ESPNL: variants seen among roughly 807,000 people sequenced by gnomAD.
The protein encoded by ESPNL is espin-like protein.
A neutral mutation model predicts 46.8 loss-of-function variants in ESPNL; 49 were observed. That is an observed-to-expected ratio of 1.05 (90% CI 0.83 to 1.33). The LOEUF (loss-of-function observed/expected upper bound fraction) is 1.33. Among genes scored for constraint, ESPNL ranks in the 40% most tolerant of loss-of-function variants. ESPNL has a pLI of 0.00. For missense variants in ESPNL, 1,540 were observed against 1,436.6 expected (o/e 1.07, Z -1.16); for synonymous variants, 664 against 662.1 (o/e 1.00, Z -0.04).
At chr2:238,106,923 C>G (rs1302630173) in intron 3 of ESPNL, among the ~76,000 whole-genome samples, 1 of 152,238 alleles carries the variant, frequency 6.6e-6, no homozygotes, top group East Asian at 1.9e-4. Context: ...CTTCTGAGTA[C>G]TGATCAGTCA....
At chr2:238,100,743 C>G in intron 1 of ESPNL, 30 bp downstream of exon 1, 1 of 1,396,464 alleles carries the variant, frequency 7.2e-7, no homozygotes, top group Non-Finnish European at 9.2e-7. Context: ...CCTGGCTCCA[C>G]GAAGCTGGCT....
Position 238,130,829 on chromosome 2 carries a change from T to G in ESPNL, c.2115T>G (p.Pro705=). The G allele has an allele frequency of 6.5e-7, 1 of 1,547,344 alleles. No homozygotes were observed. Among genetic ancestry groups the G allele is most frequent in the Non-Finnish European group, 8.7e-7 (1 of 1,149,170 alleles). ...RSGLASGEPR[P]GDTEEASDSG... is the part of the protein sequence containing the mutation. ...GCCTGGCTTCAGGGGAGCCCAGGCCTGGCGACACAGAGGAGGCCAGCGACT... is the reference window on the plus strand; with the variant it reads ...GCCTGGCTTCAGGGGAGCCCAGGCCGGGCGACACAGAGGAGGCCAGCGACT... Residue 705 remains proline, a synonymous_variant, in exon 9 of 9, where the codon CCT becomes CCG. Transcript: ENST00000343063.
At chr2:238,118,612 A>ATGGAGGAGGAATGGATGGAGGAGGGTGGT (rs1691884528) in intron 5 of ESPNL, among the ~76,000 whole-genome samples, 1 of 63,796 alleles carries the variant, frequency 1.6e-5, no homozygotes, top group African/African-American at 6.5e-5. Context: ...AAGAGGGTGG[A>ATGGAGGAGGAATGGATGGAGGAGGGTGGT]TGGAGGAGGG....
chr2:238,123,956 G>T (rs546753055), intron 5 of ESPNL, among the ~76,000 whole-genome samples: 2 of 152,296 alleles, frequency 1.3e-5, no homozygotes, highest in East Asian at 3.9e-4. Flanking sequence ...GTGCCACCTT[G>T]TCCATGAGCA....
chr2:238,131,772 T>C lies in ESPNL; in HGVS notation c.*40T>C, dbSNP rs761038851. 2.0e-6 allele frequency: 3 copies of C among 1,533,316 alleles called. No individual in the cohort carries two copies. The highest frequency in any genetic ancestry group is 2.3e-5 in the East Asian group (1 of 43,950). The allele number at this position is 1,533,316 out of a possible 1,614,324, so 95.0% of individuals were successfully genotyped here. Reference sequence around the variant, plus strand: ...TGCTTTCCAGAATGTGGTTTGGGGGTGACTTGGAGTTTCTCTTTTCTTTTC... The same window carrying C: ...TGCTTTCCAGAATGTGGTTTGGGGGCGACTTGGAGTTTCTCTTTTCTTTTC... On this transcript the variant is annotated 3_prime_UTR_variant, in exon 9 of 9. Coordinates refer to ENST00000343063, the MANE Select transcript of ESPNL (RefSeq NM_194312.4).
rs1380144448 is a variant in ESPNL at position 238,100,592 on chromosome 2, G to A, written c.173G>A (p.Arg58Gln). The change falls in exon 1 of 9, where the codon CGG (arginine) becomes CAG (glutamine). Residue 58 changes from arginine (R) to glutamine (Q), a missense_variant. Coordinates refer to ENST00000343063, the MANE Select transcript of ESPNL (RefSeq NM_194312.4). ...GACTGCGTCAAGTTCTTGGTGCAGCGGGCCCAGCTGCCCGGCAACCAGCGG... is the reference window on the plus strand; with the variant it reads ...GACTGCGTCAAGTTCTTGGTGCAGCAGGCCCAGCTGCCCGGCAACCAGCGG... ...HLDCVKFLVQ[R>Q]AQLPGNQRAH... 1.2e-5 allele frequency: 18 copies of A among 1,538,008 alleles called. No homozygotes were observed. Among genetic ancestry groups the A allele is most frequent in the African/African-American group, 8.3e-5 (6 of 72,044 alleles).
intron 2 of ESPNL, among the ~76,000 whole-genome samples, chr2:238,104,230 C>T (rs1574726484): frequency 1.3e-5 from 2 of 152,176 alleles, no homozygotes; most frequent in Admixed American, 1.3e-4. Flanking sequence ...CCTGCCTCCA[C>T]GCCGCCACTG....
intron 5 of ESPNL, 38 bp downstream of exon 5, chr2:238,117,072 G>A (rs758714826): frequency 1.9e-5 from 30 of 1,582,030 alleles, no homozygotes; most frequent in Middle Eastern, 1.8e-4. Context: ...GGAGGCATGG[G>A]GGGTGGGCCC....
In ESPNL at chr2:238,130,212, G is replaced by A; in HGVS notation, c.1498G>A (p.Glu500Lys). 1 of 1,612,300 alleles carries A rather than the reference G, an allele frequency of 6.2e-7. No individual in the cohort carries two copies. Residue 500 changes from glutamate (E) to lysine (K), a missense_variant, in exon 9 of 9, where the codon GAG becomes AAG. By Grantham distance (56) the Glu-to-Lys change is moderately conservative. Coordinates refer to ENST00000343063, the MANE Select transcript of ESPNL (RefSeq NM_194312.4). ...THQAILGPFG[E>K]LLTEDDLVYL... ...TCAGGCCATCCTGGGGCCCTTTGGG[G>A]AGCTGCTGACAGAGGATGACCTGGT...
In ESPNL at chr2:238,125,333, C is replaced by T. The variant is rs73100390; in HGVS notation, c.1051C>T (p.Arg351Cys). 1.8e-3 allele frequency: 2,868 copies of T among 1,574,486 alleles called. 49 individuals carry two copies. In the African/African-American group the frequency reaches 0.029, roughly 16 times the overall value. ...FPPPPLLATR[R>C]SLEDGRRGGP... ...CCCACCTCCACTGTTGGCCACGAGG[C>T]GCTCCCTGGAGGATGGAAGAAGAGG... Residue 351 changes from arginine (R) to cysteine (C), a missense_variant, in exon 6 of 9, where the codon CGC becomes TGC. Arg to Cys is a radical substitution (Grantham distance 180). Transcript: ENST00000343063.
chr2:238,112,144 T>C (rs912313631), intron 4 of ESPNL, among the ~76,000 whole-genome samples: 6 of 150,968 alleles, frequency 4.0e-5, no homozygotes, highest in Non-Finnish European at 7.4e-5. Context: ...GGCTGTTTCT[T>C]TGAGGGAAGG....
intron 4 of ESPNL, among the ~76,000 whole-genome samples, chr2:238,115,097 T>C (rs1307772591): frequency 1.3e-5 from 2 of 152,004 alleles, no homozygotes; most frequent in East Asian, 1.9e-4. Flanking sequence ...TCTGGTCTTG[T>C]GGCGGTTCTG....
intron 5 of ESPNL, among the ~76,000 whole-genome samples, chr2:238,120,425 CTG>C (rs1408816585): frequency 6.6e-6 from 1 of 152,242 alleles, no homozygotes; most frequent in South Asian, 2.1e-4. Context: ...GTCCCTGACA[CTG>C]TTCCCGCCCC....
rs150072009 is a variant in ESPNL at position 238,104,810 on chromosome 2, G to T, written c.640G>T (p.Ala214Ser). 2 of 1,552,368 alleles carry T rather than the reference G, an allele frequency of 1.3e-6. No individual in the cohort carries two copies. Among genetic ancestry groups the T allele is most frequent in the South Asian group, 1.2e-5 (1 of 84,730 alleles). ...CATGAGCGCCCTGCACGCTGCCGCC[G>T]CCCGTGGCCACTACTCCCTCGTCGT... ...DGMSALHAAA[A>S]RGHYSLVVWL... The change falls in exon 3 of 9, where the codon GCC becomes TCC. Residue 214 changes from alanine to serine, a missense_variant. Physicochemically the swap from Ala to Ser is moderately conservative, Grantham distance 99. Coordinates refer to ENST00000343063, the MANE Select transcript of ESPNL (RefSeq NM_194312.4).
chr2:238,131,245 A>G lies in ESPNL; in HGVS notation c.2531A>G (p.Asp844Gly). ...LSPEQFLPHV[D>G]GAPVPYSSLS... ...CCCGAGCAGTTCCTGCCCCACGTGG[A>G]CGGGGCTCCGGTGCCCTACAGCAGC... Residue 844 changes from aspartate (D) to glycine (G), a missense_variant, in exon 9 of 9, where the codon GAC (aspartate) becomes GGC (glycine). Coordinates refer to ENST00000343063, the MANE Select transcript of ESPNL (RefSeq NM_194312.4). The G allele has an allele frequency of 6.4e-7, 1 of 1,567,070 alleles. No individual in the cohort carries two copies. Among genetic ancestry groups the G allele is most frequent in the Non-Finnish European group, 8.6e-7 (1 of 1,159,088 alleles).
At position 238,107,522 on chromosome 2, in the gene ESPNL, A is replaced by G. The variant is rs532283313; in HGVS notation, c.673-269A>G. 9.3e-5 allele frequency among the ~76,000 whole-genome samples: 13 copies of G among 139,422 alleles called. No individual in the cohort carries two copies. In the South Asian group the frequency reaches 2.2e-3, roughly 24 times the overall value. 91.5% of individuals were successfully genotyped at this position (139,422 alleles called of 152,430 possible). A position where few individuals can be genotyped will look rare whatever the true frequency, so the allele number is the denominator to read the frequency against. On this transcript the variant is annotated intron_variant, in intron 3 of 8. Coordinates refer to ENST00000343063, the MANE Select transcript of ESPNL (RefSeq NM_194312.4). ...TCTTCCCTAGGTGTTTTCATTTGCCATGATGTTTGCTTTCAGATTTGGGAC... is the reference window on the plus strand; with the variant it reads ...TCTTCCCTAGGTGTTTTCATTTGCCGTGATGTTTGCTTTCAGATTTGGGAC...
chr2:238,126,561 TTG>T (rs544038877), intron 6 of ESPNL, among the ~76,000 whole-genome samples: 60 of 109,224 alleles, frequency 5.5e-4, no homozygotes, highest in Non-Finnish European at 8.7e-4. Flanking sequence ...ATCTGTGTGA[TTG>T]TGTTTGTGTG....
chr2:238,106,538 C>T (rs980698588), intron 3 of ESPNL, among the ~76,000 whole-genome samples: 1 of 152,250 alleles, frequency 6.6e-6, no homozygotes, highest in African/African-American at 2.4e-5. Flanking sequence ...GCTCCTCCTG[C>T]TGGAGCAGCC....
chr2:238,129,127 T>C, intron 8 of ESPNL: 1 of 1,403,126 alleles, frequency 7.1e-7, no homozygotes, highest in Middle Eastern at 2.6e-4. Context: ...GTCCCACGTA[T>C]CCTTCCACTT....
Sources: gnomAD v4.1 joint callset for allele counts (sites outside exome capture counted in the v4.1 genomes callset) on GRCh38, gnomAD v4.1.1 for gene constraint, MANE v1.5 for transcripts, NCBI Gene and HGNC (gene_info 2026-07-23, HGNC 2026-07-21) for gene names.